MAP7D1: variants seen among roughly 807,000 people sequenced by gnomAD.
MAP7D1 encodes the protein MAP7 domain-containing protein 1.
MAP7D1 carries 30 observed loss-of-function variants against 97.5 expected under a neutral mutation model. That is an observed-to-expected ratio of 0.31 (90% confidence interval 0.23 to 0.42). The LOEUF is 0.42. Ranked by LOEUF, MAP7D1 falls within the 10% of genes least tolerant of loss-of-function variation. MAP7D1 has a pLI of 1.00. For synonymous variants in MAP7D1, 536 were observed against 477.1 expected (o/e 1.12, Z -1.61); for missense variants, 1,184 against 1,179.5 (o/e 1.00, Z -0.06).
chr1:36,161,027 T>G (rs1644401625), intron 1 of MAP7D1, among the ~76,000 whole-genome samples: 1 of 152,206 alleles, frequency 6.6e-6, no homozygotes, highest in African/African-American at 2.4e-5. Flanking sequence ...GGCTGCGGGA[T>G]GGGGTCATTT....
rs374132451 is a variant in MAP7D1 at position 36,179,685 on chromosome 1, G to A, written c.2247G>A (p.Glu749=). 7.1e-5 allele frequency: 108 copies of A among 1,524,674 alleles called. No homozygotes were observed. Among genetic ancestry groups the A allele is most frequent in the Non-Finnish European group, 9.4e-5 (107 of 1,134,278 alleles). The allele number at this position is 1,524,674 out of a possible 1,614,324, so 94.4% of individuals were successfully genotyped here. A position where few individuals can be genotyped will look rare whatever the true frequency, so the allele number is the denominator to read the frequency against. ...GSSPEPVKAV[E]ARSPGLQKEA... ...TGACAGAGCCTGTGAAAGCTGTGGAGGCTCGGTCCCCAGGGCTGCAGAAGG... is the reference window on the plus strand; with the variant it reads ...TGACAGAGCCTGTGAAAGCTGTGGAAGCTCGGTCCCCAGGGCTGCAGAAGG... The change falls in exon 15 of 17, where the codon GAG becomes GAA. Residue 749 remains glutamate, a synonymous_variant. Coordinates refer to ENST00000474796, the MANE Select transcript of MAP7D1 (RefSeq NM_001388490.1).
intron 1 of MAP7D1, among the ~76,000 whole-genome samples, chr1:36,163,285 A>G (rs1404206415): frequency 6.6e-6 from 1 of 152,204 alleles, no homozygotes; most frequent in East Asian, 1.9e-4. Context: ...GCCAAGAAAT[A>G]AATACAAATT....
chr1:36,172,441 C>A, intron 3 of MAP7D1, 23 bp from the exon 4 acceptor site: 1 of 1,535,342 alleles, frequency 6.5e-7, no homozygotes, highest in Non-Finnish European at 8.8e-7. Flanking sequence ...TTCACACACG[C>A]CACTGGGCTC....
intron 3 of MAP7D1, chr1:36,171,934 C>CAAAAAAAAAAAAAAAAAAAAA (rs10631607): frequency 3.2e-5 from 2 of 62,844 alleles, no homozygotes; most frequent in Non-Finnish European, 5.6e-5. Context: ...AACTCCGTCT[C>CAAAAAAAAAAAAAAAAAAAAA]AAAAAAAAAA....
intron 13 of MAP7D1, 28 bp from the exon 14 acceptor site, chr1:36,179,487 G>A: frequency 6.3e-7 from 1 of 1,579,676 alleles, no homozygotes; most frequent in Non-Finnish European, 8.6e-7. Context: ...TGTCCCTTGA[G>A]CCTGACTGCT....
chr1:36,179,815 G>T, intron 15 of MAP7D1, 59 bp downstream of exon 15: 1 of 1,566,088 alleles, frequency 6.4e-7, no homozygotes, highest in Non-Finnish European at 8.7e-7. Flanking sequence ...CTGGAGCTGC[G>T]GGGTGGCCTG....
chr1:36,178,491 C>T lies in MAP7D1; in HGVS notation c.1781C>T (p.Thr594Ile). 6.2e-7 allele frequency: 1 copy of T among 1,610,984 alleles called. No homozygotes were observed. The highest frequency in any genetic ancestry group is 1.1e-5 in the South Asian group (1 of 90,832). Residue 594 changes from threonine to isoleucine, a missense_variant, in exon 10 of 17, where the codon ACA becomes ATA. By Grantham distance (89) the Thr-to-Ile change is moderately conservative. Transcript: ENST00000474796. ...VTPSKPMAGT[T>I]DREEATRLLA... ...CCTAGCAAACCAATGGCCGGCACCA[C>T]AGACCGAGAAGAAGCCACTCGGCTC... is the stretch of plus-strand genomic sequence containing the variant.
Position 36,176,119 on chromosome 1 carries a change from G to GTGCCTGGTCTGCTCCCT in MAP7D1, c.851-74_851-58dup, listed in dbSNP as rs1644615228. ...AAGCCTTGGCCTTGGCATGGGGATGGTGCCTGGTCTGCTCCCTTGCCTCTT... is the reference window on the plus strand; with the variant it reads ...AAGCCTTGGCCTTGGCATGGGGATGGTGCCTGGTCTGCTCCCTTGCCTGGTCTGCTCCCTTGCCTCTT... On this transcript the variant is annotated intron_variant, in intron 6 of 16. Coordinates refer to ENST00000474796, the MANE Select transcript of MAP7D1 (RefSeq NM_001388490.1). This position sits in a 1 kb window ranked among gnomAD's most constrained non-coding sequence, Gnocchi z 6.1. 6.6e-7 allele frequency: 1 copy of GTGCCTGGTCTGCTCCCT among 1,518,168 alleles called. No homozygotes were observed. Among genetic ancestry groups the GTGCCTGGTCTGCTCCCT allele is most frequent in the African/African-American group, 1.4e-5 (1 of 71,526 alleles). 94.0% of individuals were successfully genotyped at this position (1,518,168 alleles called of 1,614,324 possible).
rs1193337469 is a variant in MAP7D1, at chr1:36,176,634, G to A, written c.1233+53G>A. The A allele has an allele frequency of 6.3e-7, 1 of 1,579,922 alleles. No individual in the cohort carries two copies. ...CGCGCAGGTGGGGACAGGCAGCCTG[G>A]AACTGGGGTACGCGGGCGCTGCTGA... On this transcript the variant is annotated intron_variant, in intron 7 of 16. Coordinates refer to ENST00000474796, the MANE Select transcript of MAP7D1 (RefSeq NM_001388490.1). The surrounding 1 kb of genome is among the most constrained non-coding windows in gnomAD (Gnocchi z 6.1).
rs1450562862 is a variant in MAP7D1, at chr1:36,172,495, G to A, written c.492G>A (p.Glu164=). 6.3e-7 allele frequency: 1 copy of A among 1,596,478 alleles called. No individual in the cohort carries two copies. Among genetic ancestry groups the A allele is most frequent in the Non-Finnish European group, 8.6e-7 (1 of 1,167,394 alleles). The change falls in exon 4 of 17, where the codon GAG becomes GAA. Residue 164 remains glutamate, a synonymous_variant. Transcript: ENST00000474796. ...AAKKAVWLEK[E]EKAKALREKQ... ...AGAAGGCAGTGTGGCTGGAGAAGGA[G>A]GAGAAGGCCAAGGCGCTGCGGGAGA...
At chr1:36,175,583 G>GTTATTT (rs994474744) in intron 6 of MAP7D1, among the ~76,000 whole-genome samples, 3 of 152,244 alleles carry the variant, frequency 2.0e-5, no homozygotes, top group Non-Finnish European at 2.9e-5. Context: ...CATGGTGGGA[G>GTTATTT]TTATTTATAA....
rs756313601 is a variant in MAP7D1 at position 36,176,396 on chromosome 1, G to T, written c.1048G>T (p.Asp350Tyr). 1 of 1,531,514 alleles carries T rather than the reference G, an allele frequency of 6.5e-7. No homozygotes were observed. Among genetic ancestry groups the T allele is most frequent in the Non-Finnish European group, 8.7e-7 (1 of 1,146,258 alleles). 94.9% of individuals were successfully genotyped at this position (1,531,514 alleles called of 1,614,324 possible). Residue 350 changes from aspartate to tyrosine, a missense_variant, in exon 7 of 17, where the codon GAC (aspartate) becomes TAC (tyrosine). Asp to Tyr is a radical substitution (Grantham distance 160, BLOSUM62 -3). Transcript: ENST00000474796. The surrounding 1 kb of genome is among the most constrained non-coding windows in gnomAD (Gnocchi z 6.1). ...GASLARGPQP[D>Y]RTHPSAAVPV... ...CAGCCTGGCGCGCGGGCCGCAACCCGACCGCACTCATCCCTCTGCAGCCGT... is the reference window on the plus strand; with the variant it reads ...CAGCCTGGCGCGCGGGCCGCAACCCTACCGCACTCATCCCTCTGCAGCCGT...
At chr1:36,179,578 G>T (rs1039724637) in intron 14 of MAP7D1, 21 bp downstream of exon 14, 7 of 1,558,052 alleles carry the variant, frequency 4.5e-6, no homozygotes, top group Admixed American at 1.9e-5. Context: ...CATTCCTCTC[G>T]CCTCCCTTCC....
At position 36,179,963 on chromosome 1, in the gene MAP7D1, C is replaced by T. The variant is rs1259068193; in HGVS notation, c.2408C>T (p.Pro803Leu). The T allele has an allele frequency of 6.2e-7, 1 of 1,614,098 alleles. No homozygotes were observed. Among genetic ancestry groups the T allele is most frequent in the Non-Finnish European group, 8.5e-7 (1 of 1,180,034 alleles). The change falls in exon 16 of 17, where the codon CCC becomes CTC. Residue 803 changes from proline (P) to leucine (L), a missense_variant. Transcript: ENST00000474796. ...HQENGFSTNG[P>L]SGDKSLSRTP... The stretch of plus-strand genomic sequence containing the variant: ...GAGAATGGCTTCTCCACCAACGGAC[C>T]CTCTGGGGACAAGAGTCTGAGCCGA...
intron 5 of MAP7D1, among the ~76,000 whole-genome samples, chr1:36,174,664 T>C (rs1188817273): frequency 1.3e-5 from 2 of 152,088 alleles, no homozygotes; most frequent in Admixed American, 6.5e-5. Flanking sequence ...CTAGTTTTAC[T>C]CATCTCCTCC....
intron 1 of MAP7D1, among the ~76,000 whole-genome samples, chr1:36,161,975 GTCTGTC>G (rs1281324871): frequency 1.3e-5 from 2 of 151,994 alleles, no homozygotes; most frequent in Non-Finnish European, 2.9e-5. Context: ...ATTGTCTGGT[GTCTGTC>G]TCTGTTGTGT....
chr1:36,170,897 G>C (rs897909929), intron 1 of MAP7D1, 74 bp from the exon 2 acceptor site: 1 of 678,958 alleles, frequency 1.5e-6, no homozygotes, highest in Non-Finnish European at 2.7e-6. Flanking sequence ...TTGAACAAGG[G>C]AGAGGGCCAC....
In MAP7D1 at chr1:36,178,754, G is replaced by A; in HGVS notation, c.1956G>A (p.Arg652=). 6.5e-7 allele frequency: 1 copy of A among 1,545,856 alleles called. No homozygotes were observed. Among genetic ancestry groups the A allele is most frequent in the Non-Finnish European group, 8.7e-7 (1 of 1,145,386 alleles). ...CGGAGCGGGAGGCGGAGGCCCGGAG[G>A]CGGGAGGAGCAGGAGGCACGAGAGA... ...ARAEREAEAR[R]REEQEAREKA... The change falls in exon 11 of 17, where the codon AGG becomes AGA. Residue 652 remains arginine, a synonymous_variant. Transcript: ENST00000474796.
chr1:36,178,317 A>T (rs1215030127), intron 9 of MAP7D1, 102 bp from the exon 10 acceptor site: 2 of 1,469,764 alleles, frequency 1.4e-6, no homozygotes, highest in Non-Finnish European at 9.1e-7. Context: ...GAAAGAGGAG[A>T]CTCCTGCCCT....
Sources: gnomAD v4.1 joint callset for allele counts (sites outside exome capture counted in the v4.1 genomes callset) on GRCh38, gnomAD v4.1.1 for gene constraint, Gnocchi (gnomAD v3.1) non-coding constraint, MANE v1.5 for transcripts, NCBI Gene and HGNC (gene_info 2026-07-23, HGNC 2026-07-21) for gene names.